Variants in DNAAF9 observed in about 807,000 individuals in gnomAD.
The protein encoded by DNAAF9 is dynein axonemal assembly factor 9, also known as shulin.
Under a neutral mutation model 167.0 loss-of-function variants are expected in DNAAF9, and 90 were observed. The ratio of observed to expected loss-of-function variants is 0.54; its 90% confidence interval spans 0.45 to 0.64. DNAAF9 has a LOEUF of 0.64. Among genes scored for constraint, DNAAF9 ranks in the 30% least tolerant of loss-of-function variants. DNAAF9 has a pLI of 0.00. For synonymous variants in DNAAF9, 491 were observed against 508.8 expected (o/e 0.96, Z 0.47); for missense variants, 1,315 against 1,442.2 (o/e 0.91, Z 1.43).
chr20:3,298,582 A>T (rs111475976), intron 21 of DNAAF9, among the ~76,000 whole-genome samples: 4 of 152,084 alleles, frequency 2.6e-5, no homozygotes, highest in African/African-American at 9.6e-5. Flanking sequence ...GGCCTCCCCA[A>T]GTGTTGGGAT....
chr20:3,275,113 G>A (rs1030657317), intron 29 of DNAAF9, among the ~76,000 whole-genome samples: 1 of 152,178 alleles, frequency 6.6e-6, no homozygotes, highest in Non-Finnish European at 1.5e-5. Flanking sequence ...GTAAGGCAAA[G>A]TCAGGAGGCC....
At chr20:3,302,832 G>C (rs964387185) in intron 21 of DNAAF9, among the ~76,000 whole-genome samples, 1 of 152,110 alleles carries the variant, frequency 6.6e-6, no homozygotes, top group Non-Finnish European at 1.5e-5. Context: ...TGGTTTGATA[G>C]TAAAGGTGGT....
chr20:3,383,728 T>C (rs1415688501), intron 1 of DNAAF9, among the ~76,000 whole-genome samples: 1 of 151,688 alleles, frequency 6.6e-6, no homozygotes, highest in Non-Finnish European at 1.5e-5. Flanking sequence ...TACTCTCACC[T>C]CAAAACTGTA....
rs376409076 is a variant in DNAAF9, at chr20:3,290,233, G to C, written c.2239-16C>G. ...TGATAATTACCTACATGAAGAAAAA[G>C]TCATGGGTTTGCAATTCAACTGCAT... On this transcript the variant is annotated splice_polypyrimidine_tract_variant and intron_variant, in intron 25 of 36. Transcript: ENST00000252032. 8 of 1,543,182 alleles carry C rather than the reference G, an allele frequency of 5.2e-6. No individual in the cohort carries two copies. Among genetic ancestry groups the C allele is most frequent in the Non-Finnish European group, 7.2e-6 (8 of 1,115,468 alleles).
At chr20:3,375,886 A>C (rs1235047197) in intron 4 of DNAAF9, among the ~76,000 whole-genome samples, 1 of 151,846 alleles carries the variant, frequency 6.6e-6, no homozygotes, top group Non-Finnish European at 1.5e-5. Context: ...CCTAGGCACT[A>C]ATCCCCTAAG....
At chr20:3,323,436 C>T (rs1342577919) in intron 14 of DNAAF9, among the ~76,000 whole-genome samples, 1 of 151,906 alleles carries the variant, frequency 6.6e-6, no homozygotes, top group Non-Finnish European at 1.5e-5. Flanking sequence ...TGTGTACCAT[C>T]ATGCCTGGCT....
In DNAAF9 at chr20:3,270,631, G is replaced by A. The variant is rs543084342; in HGVS notation, c.2651-69C>T. ...TAGGGGTGAAGGCTCACACAAACGT[G>A]AGCCCTTGCTCCATCCCCTAATCAT... On this transcript the variant is annotated intron_variant, in intron 29 of 36. Transcript: ENST00000252032. 1.6e-4 allele frequency: 232 copies of A among 1,429,074 alleles called. 3 individuals carry two copies. In the South Asian group the frequency reaches 2.6e-3, roughly 16 times the overall value. 88.5% of individuals were successfully genotyped at this position (1,429,074 alleles called of 1,614,324 possible). A position where few individuals can be genotyped will look rare whatever the true frequency, so the allele number is the denominator to read the frequency against.
chr20:3,266,350 A>G (rs2068489716), intron 30 of DNAAF9, among the ~76,000 whole-genome samples: 1 of 152,198 alleles, frequency 6.6e-6, no homozygotes, highest in African/African-American at 2.4e-5. Context: ...ACAGTACAGG[A>G]CTAGTAATAT....
intron 11 of DNAAF9, among the ~76,000 whole-genome samples, 171 bp downstream of exon 11, chr20:3,332,109 A>C (rs1266177663): frequency 6.6e-6 from 1 of 152,226 alleles, no homozygotes; most frequent in Non-Finnish European, 1.5e-5. Context: ...TTCTGTGAGA[A>C]ACGTGTTAGA....
At chr20:3,311,447 C>T (rs1037374079) in intron 20 of DNAAF9, among the ~76,000 whole-genome samples, 1 of 152,246 alleles carries the variant, frequency 6.6e-6, no homozygotes, top group African/African-American at 2.4e-5. Flanking sequence ...ACAAGAGTCT[C>T]ACTCTGTTGC....
At chr20:3,291,575 C>T (rs1265810206) in intron 25 of DNAAF9, among the ~76,000 whole-genome samples, 1 of 151,662 alleles carries the variant, frequency 6.6e-6, no homozygotes. Context: ...AATCTCTTGA[C>T]CTCGTGATCC....
Position 3,374,016 on chromosome 20 carries a change from C to A in DNAAF9, c.612+32G>T, listed in dbSNP as rs780596214. On this transcript the variant is annotated intron_variant, in intron 6 of 36. Transcript: ENST00000252032. Reference sequence around the variant, plus strand: ...TTCATAAAAACAGCCCAGTGGCAGACAAAAACTAGGCATACTGCTTTTCAT... The same window carrying A: ...TTCATAAAAACAGCCCAGTGGCAGAAAAAAACTAGGCATACTGCTTTTCAT... The A allele has an allele frequency of 1.9e-5, 27 of 1,420,320 alleles. No homozygotes were observed. In the African/African-American group the frequency reaches 3.2e-4, roughly 17 times the overall value. 88.0% of individuals were successfully genotyped at this position (1,420,320 alleles called of 1,614,324 possible).
rs75759729 is a variant in DNAAF9 at position 3,344,713 on chromosome 20, C to A, written c.790-982G>T. Among the ~76,000 whole-genome samples the A allele has an allele frequency of 5.4e-3, 826 of 151,616 alleles. 2 individuals are homozygous for A. The highest frequency in any genetic ancestry group is 6.8e-3 in the Middle Eastern group (2 of 292). On this transcript the variant is annotated intron_variant, in intron 8 of 36. Coordinates refer to ENST00000252032, the MANE Select transcript of DNAAF9 (RefSeq NM_001009984.3). The stretch of plus-strand genomic sequence containing the variant: ...CTTAAGGCAGATCTGGAAATGAAAT[C>A]ATAGAATAAAAAGGCAGAACTATGT...
intron 15 of DNAAF9, 61 bp downstream of exon 15, chr20:3,322,591 C>T (rs1034868665): frequency 8.0e-7 from 1 of 1,251,756 alleles, no homozygotes; most frequent in Non-Finnish European, 1.2e-6. Context: ...CAGCAGCCTC[C>T]CCTCTCTTTA....
chr20:3,346,367 A>G (rs6051770), intron 8 of DNAAF9, among the ~76,000 whole-genome samples: 38,106 of 152,040 alleles, frequency 0.25, 5,386 homozygotes, highest in African/African-American at 0.37. Flanking sequence ...ATTTACTATG[A>G]CTCTGTTTGT....
chr20:3,306,612 T>A (rs549584293), intron 20 of DNAAF9, among the ~76,000 whole-genome samples: 80 of 152,340 alleles, frequency 5.3e-4, no homozygotes, highest in African/African-American at 1.9e-3. Flanking sequence ...CACAGGTTTG[T>A]CTGATGCCAA....
At chr20:3,334,821 A>C (rs1006434882) in intron 10 of DNAAF9, among the ~76,000 whole-genome samples, 2 of 152,242 alleles carry the variant, frequency 1.3e-5, no homozygotes, top group Non-Finnish European at 2.9e-5. Flanking sequence ...CCCCAGGATG[A>C]TAAGAAATTC....
At chr20:3,378,807 C>T (rs756844354) in intron 3 of DNAAF9, among the ~76,000 whole-genome samples, 1 of 152,180 alleles carries the variant, frequency 6.6e-6, no homozygotes, top group Non-Finnish European at 1.5e-5. Context: ...TCTGACCACA[C>T]AGCTGAGTGG....
At chr20:3,346,249 G>A (rs567062692) in intron 8 of DNAAF9, among the ~76,000 whole-genome samples, 32 of 152,204 alleles carry the variant, frequency 2.1e-4, no homozygotes, top group Admixed American at 1.4e-3. Flanking sequence ...AGGGGACTTT[G>A]GCAATAACTA....
Sources: gnomAD v4.1 joint callset for allele counts (sites outside exome capture counted in the v4.1 genomes callset) on GRCh38, gnomAD v4.1.1 for gene constraint, MANE v1.5 for transcripts, NCBI Gene and HGNC (gene_info 2026-07-23, HGNC 2026-07-21) for gene names.